THSD4: variants seen among roughly 807,000 people sequenced by gnomAD.
THSD4 encodes thrombospondin type-1 domain-containing protein 4.
THSD4 carries 69 observed loss-of-function variants against 119.0 expected under a neutral mutation model. The ratio of observed to expected loss-of-function variants is 0.58; its 90% CI spans 0.48 to 0.71. The LOEUF (loss-of-function observed/expected upper bound fraction) is 0.71. Ranked by LOEUF, THSD4 falls within the 30% of genes least tolerant of loss-of-function variation. The pLI is 0.00. For synonymous variants in THSD4, 524 were observed against 540.4 expected (o/e 0.97, Z 0.42); for missense variants, 1,393 against 1,391.1 (o/e 1.00, Z -0.02).
chr15:71,429,095 C>G (rs556166196), intron 7 of THSD4, among the ~76,000 whole-genome samples: 1 of 152,326 alleles, frequency 6.6e-6, no homozygotes, highest in South Asian at 2.1e-4. Flanking sequence ...CCCACTTCCT[C>G]CTCTGAAGGT....
At chr15:71,685,863 A>G (rs1226314682) in intron 8 of THSD4, among the ~76,000 whole-genome samples, 1 of 152,228 alleles carries the variant, frequency 6.6e-6, no homozygotes, top group South Asian at 2.1e-4. Flanking sequence ...TAGAGTTGTT[A>G]TGGAAATAGG....
At position 71,758,143 on chromosome 15, in the gene THSD4, A is replaced by G. The variant is rs2053576048; in HGVS notation, c.2589+68A>G. ...AGGCAGCATACCAGAGGGGTTAGGA[A>G]CCAGGACTTTGTGTCAGGTGTCCCA... is the stretch of plus-strand genomic sequence containing the variant. On this transcript the variant is annotated intron_variant, in intron 15 of 17. Transcript: ENST00000261862. The G allele has an allele frequency of 4.1e-6, 6 of 1,471,364 alleles. No homozygotes were observed. The South Asian group carries it at 8.4e-5, about 21-fold the overall frequency. 91.1% of individuals were successfully genotyped at this position (1,471,364 alleles called of 1,614,324 possible).
chr15:71,762,150 A>AACACACAC (rs72267245), intron 15 of THSD4, among the ~76,000 whole-genome samples: 1,449 of 112,288 alleles, frequency 0.013, 31 homozygotes, highest in African/African-American at 0.034. Flanking sequence ...CGCGTGTGCA[A>AACACACAC]ACACACACAC....
chr15:71,396,862 T>C (rs1368403444), intron 6 of THSD4, among the ~76,000 whole-genome samples: 2 of 152,218 alleles, frequency 1.3e-5, no homozygotes, highest in Non-Finnish European at 2.9e-5. Flanking sequence ...TTGGATTTAA[T>C]GTGACATGAG....
rs141693814 is a variant in THSD4, at chr15:71,657,706, A to G, written c.1153-2824A>G. Reference sequence around the variant, plus strand: ...GTTCTTGGCATCCTTGTGCAGCCGCATGCTTCACTGAAACCAACCTCCAGG... The same window carrying G: ...GTTCTTGGCATCCTTGTGCAGCCGCGTGCTTCACTGAAACCAACCTCCAGG... On this transcript the variant is annotated intron_variant, in intron 7 of 17. Coordinates refer to ENST00000261862, the MANE Select transcript of THSD4 (RefSeq NM_024817.3). 3.9e-4 allele frequency among the ~76,000 whole-genome samples: 60 copies of G among 152,216 alleles called. No individual in the cohort carries two copies. In the East Asian group the frequency reaches 0.011, roughly 29 times the overall value.
intron 7 of THSD4, among the ~76,000 whole-genome samples, chr15:71,481,561 C>T (rs1175767255): frequency 6.6e-6 from 1 of 152,142 alleles, no homozygotes; most frequent in Non-Finnish European, 1.5e-5. Flanking sequence ...GAAGAGAAGA[C>T]CTTCTTTCTC....
intron 7 of THSD4, among the ~76,000 whole-genome samples, chr15:71,584,874 T>G (rs9672638): frequency 6.6e-6 from 1 of 152,168 alleles, no homozygotes; most frequent in Non-Finnish European, 1.5e-5. Context: ...CTAGTTTTTA[T>G]CTTCATGATT....
At chr15:71,743,564 A>G (rs954130357) in intron 11 of THSD4, among the ~76,000 whole-genome samples, 18 of 151,600 alleles carry the variant, frequency 1.2e-4, no homozygotes, top group Admixed American at 1.1e-3. Flanking sequence ...CTTTAATTCC[A>G]CAAAAGTTCT....
At chr15:71,407,017 GTTGT>G (rs2046618608) in intron 6 of THSD4, among the ~76,000 whole-genome samples, 1 of 152,006 alleles carries the variant, frequency 6.6e-6, no homozygotes, top group African/African-American at 2.4e-5. Flanking sequence ...TTGGGGCTTG[GTTGT>G]TATGTCTTCC....
chr15:71,491,530 C>G (rs1412700257), intron 7 of THSD4, among the ~76,000 whole-genome samples: 1 of 152,170 alleles, frequency 6.6e-6, no homozygotes, highest in Non-Finnish European at 1.5e-5. Flanking sequence ...AGGCCCTTGC[C>G]AGATGTAGCT....
rs531320811 is a variant in THSD4 at position 71,423,703 on chromosome 15, G to GC, written c.1152+11886dup. On this transcript the variant is annotated intron_variant, in intron 7 of 17. Coordinates refer to ENST00000261862, the MANE Select transcript of THSD4 (RefSeq NM_024817.3). ...TGGCTGGTGTCTCACTAGGTTTCGT[G>GC]CCCCCCAAGTCCACTAGCTCCAAGC... 7.2e-5 allele frequency among the ~76,000 whole-genome samples: 11 copies of GC among 152,268 alleles called. No homozygotes were observed. In the South Asian group the frequency reaches 1.9e-3, roughly 26 times the overall value.
At chr15:71,420,517 C>A (rs559237482) in intron 7 of THSD4, among the ~76,000 whole-genome samples, 1 of 105,404 alleles carries the variant, frequency 9.5e-6, no homozygotes, top group East Asian at 3.2e-4. Flanking sequence ...ATTTGTTATT[C>A]GTTTTCTGAT....
chr15:71,377,976 C>T (rs2046172686), intron 6 of THSD4, among the ~76,000 whole-genome samples: 1 of 151,480 alleles, frequency 6.6e-6, no homozygotes, highest in Non-Finnish European at 1.5e-5. Context: ...ATTGTCCTGC[C>T]ATTTTCCACC....
chr15:71,664,146 C>G (rs2051367824), intron 8 of THSD4, among the ~76,000 whole-genome samples: 1 of 152,004 alleles, frequency 6.6e-6, no homozygotes, highest in East Asian at 1.9e-4. Flanking sequence ...CCATACCCGG[C>G]TAATTTTTTG....
intron 16 of THSD4, among the ~76,000 whole-genome samples, chr15:71,770,037 AG>A (rs1283513408): frequency 9.4e-6 from 1 of 106,090 alleles, no homozygotes; most frequent in Non-Finnish European, 1.8e-5. Flanking sequence ...ACCTGAGATC[AG>A]GAGTTCAAGA....
rs371870372 is a variant in THSD4 at position 71,660,718 on chromosome 15, G to A, written c.1341G>A (p.Lys447=). 48 of 1,613,974 alleles carry A rather than the reference G, an allele frequency of 3.0e-5. No homozygotes were observed. The highest frequency in any genetic ancestry group is 4.1e-5 in the Non-Finnish European group (48 of 1,180,006). ...AAATCAACATCACGGAGATGTACAAGAGCAACAACTATTTGGGTAAGCTTG... is the reference window on the plus strand; with the variant it reads ...AAATCAACATCACGGAGATGTACAAAAGCAACAACTATTTGGGTAAGCTTG... The part of the protein sequence containing the change: ...ATKINITEMY[K]SNNYLALRSR... Residue 447 remains lysine, a synonymous_variant, in exon 8 of 18, where the codon AAG becomes AAA. Coordinates refer to ENST00000261862, the MANE Select transcript of THSD4 (RefSeq NM_024817.3).
intron 7 of THSD4, among the ~76,000 whole-genome samples, chr15:71,525,976 G>A (rs1237663108): frequency 6.6e-6 from 1 of 152,134 alleles, no homozygotes; most frequent in African/African-American, 2.4e-5. Context: ...TAAACAGTAA[G>A]TGAATTAGTA....
At chr15:71,101,922 C>A (rs913756286) in intron 1 of THSD4, among the ~76,000 whole-genome samples, 1 of 152,080 alleles carries the variant, frequency 6.6e-6, no homozygotes, top group African/African-American at 2.4e-5. Flanking sequence ...CCATGTTGCC[C>A]AGGGTGGTCT....
intron 8 of THSD4, among the ~76,000 whole-genome samples, chr15:71,701,182 A>G (rs2052281664): frequency 6.6e-6 from 1 of 152,200 alleles, no homozygotes; most frequent in Non-Finnish European, 1.5e-5. Context: ...AAAAGATAAA[A>G]CAACCCAATG....
Sources: allele counts gnomAD v4.1 joint callset (sites outside exome capture counted in the v4.1 genomes callset), GRCh38; gene constraint gnomAD v4.1.1; transcripts MANE v1.5; gene names NCBI Gene and HGNC (gene_info 2026-07-23, HGNC 2026-07-21).